ZC4H2: variants seen among roughly 807,000 people sequenced by gnomAD.
ZC4H2 encodes zinc finger C4H2 domain-containing protein.
For synonymous variants in ZC4H2, 84 were observed against 66.3 expected, an observed-to-expected ratio of 1.27 and a Z score of -1.30; for missense variants, 137 against 173.9, an observed-to-expected ratio of 0.79 and a Z score of 1.19.
chrX:64,934,610 G>A (rs1460568050), intron 1 of ZC4H2, among the ~76,000 whole-genome samples: 1 of 111,935 alleles, frequency 8.9e-6, no homozygotes, highest in Non-Finnish European at 1.9e-5. Context: ...AACAGAAGGT[G>A]GGTGATTTCT....
chrX:64,918,943 C>A, intron 4 of ZC4H2, 99 bp downstream of exon 4: 1 of 1,039,864 alleles, frequency 9.6e-7, no homozygotes, highest in Non-Finnish European at 1.3e-6. Context: ...TAAAAGAAGG[C>A]CCAGCATAAA....
chrX:65,009,385 T>C (rs113794695), intron 1 of ZC4H2, among the ~76,000 whole-genome samples: 1,679 of 110,639 alleles, frequency 0.015, 41 homozygotes, highest in African/African-American at 0.052. Flanking sequence ...GACTCCAGAG[T>C]TTGAAAATAG....
intron 1 of ZC4H2, among the ~76,000 whole-genome samples, chrX:64,987,938 T>C (rs1467467337): frequency 1.1e-5 from 1 of 88,100 alleles, no homozygotes; most frequent in Non-Finnish European, 2.1e-5. Flanking sequence ...CCTGTGTCGA[T>C]GTGTTCTCAT....
Position 64,976,359 on chromosome X carries a change from T to C in ZC4H2, c.19A>G (p.Ile7Val), listed in dbSNP as rs199516840. Residue 7 changes from isoleucine to valine, a missense_variant, in exon 1 of 5, where the codon ATC (isoleucine) becomes GTC (valine). By Grantham distance (29) the Ile-to-Val change is conservative. Coordinates refer to ENST00000374839, the MANE Select transcript of ZC4H2 (RefSeq NM_018684.4). ...TTAATGCTTTCCAATTTGCACATGATTTCTTGCTCATCTGCCATACTTTTC... is the reference window on the plus strand; with the variant it reads ...TTAATGCTTTCCAATTTGCACATGACTTCTTGCTCATCTGCCATACTTTTC... Reference protein sequence around the residue: MADEQEIMCKLESIKEI... With the variant: MADEQEVMCKLESIKEI... 657 of 1,210,216 alleles carry C rather than the reference T, an allele frequency of 5.4e-4. 1 individual carries two copies. Among genetic ancestry groups the C allele is most frequent in the Non-Finnish European group, 7.0e-4 (630 of 895,221 alleles).
At chrX:64,999,268 CTG>C (rs1483760231) in intron 1 of ZC4H2, among the ~76,000 whole-genome samples, 2 of 110,825 alleles carry the variant, frequency 1.8e-5, no homozygotes, top group African/African-American at 6.6e-5. Flanking sequence ...AGGTTAGACA[CTG>C]TGTGCAGCCC....
At chrX:64,926,324 T>C (rs369685967) in intron 1 of ZC4H2, among the ~76,000 whole-genome samples, 1 of 112,468 alleles carries the variant, frequency 8.9e-6, no homozygotes, top group Non-Finnish European at 1.9e-5. Context: ...AAAGGACATC[T>C]AGACTCACTC....
intron 1 of ZC4H2, among the ~76,000 whole-genome samples, chrX:65,025,430 C>T (rs975440314): frequency 9.0e-6 from 1 of 110,917 alleles, no homozygotes; most frequent in Non-Finnish European, 1.9e-5. Context: ...TATTGCTTTC[C>T]TTCAGATTTT....
At chrX:64,961,336 T>A (rs1408647680) in intron 1 of ZC4H2, among the ~76,000 whole-genome samples, 1 of 111,741 alleles carries the variant, frequency 8.9e-6, no homozygotes, top group Non-Finnish European at 1.9e-5. Context: ...TTACTATTTC[T>A]GGAAGTTCAC....
At chrX:64,996,035 C>A (rs1181935291) in intron 1 of ZC4H2, among the ~76,000 whole-genome samples, 3 of 111,361 alleles carry the variant, frequency 2.7e-5, no homozygotes, top group African/African-American at 9.8e-5. Flanking sequence ...CACACTTATG[C>A]CCAAGACAAG....
At chrX:64,919,256 T>A in intron 3 of ZC4H2, 52 bp from the exon 4 acceptor site, 1 of 1,188,441 alleles carries the variant, frequency 8.4e-7, no homozygotes, top group Non-Finnish European at 1.1e-6. Flanking sequence ...ATGAGAACCT[T>A]GCTCCTCTTA....
intron 1 of ZC4H2, among the ~76,000 whole-genome samples, chrX:64,933,179 C>T (rs1280238574): frequency 1.8e-5 from 2 of 111,674 alleles, no homozygotes; most frequent in Admixed American, 9.5e-5. Context: ...TTTTGTATTT[C>T]CCTAAGTGTG....
intron 1 of ZC4H2, among the ~76,000 whole-genome samples, chrX:65,018,824 T>C (rs1602457450): frequency 2.7e-5 from 3 of 111,229 alleles, no homozygotes; most frequent in Admixed American, 1.9e-4. Context: ...CTAAGGTCGA[T>C]CTGGGACACT....
Position 65,024,379 on chromosome X carries a change from G to A in ZC4H2, c.-272+10250C>T, listed in dbSNP as rs183914395. Among the ~76,000 whole-genome samples, 113 of 111,551 alleles carry A rather than the reference G, an allele frequency of 1.0e-3. 1 individual carries two copies. The highest frequency in any genetic ancestry group is 3.6e-3 in the African/African-American group (109 of 30,684). On this transcript the variant is annotated intron_variant, in intron 1 of 4. Transcript: ENST00000337990. ...TCAAAAAACAACAGATGCTGTTGAG[G>A]CTGCAGAGAAAAGGGAACACTTATA... is the stretch of plus-strand genomic sequence containing the variant.
chrX:64,982,369 C>T (rs1036727427), intron 1 of ZC4H2, among the ~76,000 whole-genome samples: 3 of 111,895 alleles, frequency 2.7e-5, no homozygotes, highest in Non-Finnish European at 5.6e-5. Context: ...GGGCCCTTGT[C>T]CCCCTCACAG....
chrX:64,945,237 CT>C (rs1930472436), intron 1 of ZC4H2, among the ~76,000 whole-genome samples: 1 of 112,461 alleles, frequency 8.9e-6, no homozygotes, highest in African/African-American at 3.2e-5. Flanking sequence ...TGATCTTTGA[CT>C]TTAATGACCT....
At chrX:64,970,410 T>A (rs1303721086) in intron 1 of ZC4H2, among the ~76,000 whole-genome samples, 1 of 98,277 alleles carries the variant, frequency 1.0e-5, no homozygotes, top group Admixed American at 1.2e-4. Context: ...TCTGAGTCAA[T>A]CCCCAAGCCA....
intron 1 of ZC4H2, among the ~76,000 whole-genome samples, chrX:65,018,695 C>A (rs1006463627): frequency 9.1e-6 from 1 of 110,348 alleles, no homozygotes; most frequent in Non-Finnish European, 1.9e-5. Flanking sequence ...ACCGTTCACT[C>A]CCCTGGAAAG....
intron 1 of ZC4H2, among the ~76,000 whole-genome samples, chrX:65,031,156 T>G (rs1932930191): frequency 8.9e-6 from 1 of 111,902 alleles, no homozygotes; most frequent in Admixed American, 9.5e-5. Flanking sequence ...TTTCCAAACT[T>G]TGGCATGGCA....
chrX:64,922,227 A>C (rs1437292825), intron 1 of ZC4H2: 25 of 474,669 alleles, frequency 5.3e-5, no homozygotes, highest in Non-Finnish European at 6.8e-5. Flanking sequence ...CATGGGCAAC[A>C]TAGTGAGACC....
Sources: gnomAD v4.1 joint callset for allele counts (sites outside exome capture counted in the v4.1 genomes callset) on GRCh38, gnomAD v4.1.1 for gene constraint, MANE v1.5 for transcripts, NCBI Gene and HGNC (gene_info 2026-07-23, HGNC 2026-07-21) for gene names.